The following DGKB variants were observed in gnomAD, a reference collection of about 807,000 sequenced individuals.
The protein encoded by DGKB is 90 kDa diacylglycerol kinase.
Under a neutral mutation model 114.3 loss-of-function variants are expected in DGKB, and 67 were observed. That is an observed-to-expected ratio of 0.59 (90% CI 0.48 to 0.72). The LOEUF is 0.72. Ranked by LOEUF, DGKB falls within the 30% of genes least tolerant of loss-of-function variation. DGKB has a pLI of 0.00. For synonymous variants in DGKB, 398 were observed against 323.1 expected, an observed-to-expected ratio of 1.23 and a Z score of -2.49; for missense variants, 907 against 975.2, an observed-to-expected ratio of 0.93 and a Z score of 0.93.
intron 23 of DGKB, among the ~76,000 whole-genome samples, chr7:14,201,643 G>C (rs931951704): frequency 7.9e-5 from 12 of 151,934 alleles, no homozygotes; most frequent in Admixed American, 7.9e-4. Context: ...AAAGCAAGTA[G>C]GAAAGTAGGA....
At chr7:14,400,138 G>C (rs1334387860) in intron 21 of DGKB, among the ~76,000 whole-genome samples, 1 of 151,790 alleles carries the variant, frequency 6.6e-6, no homozygotes, top group Non-Finnish European at 1.5e-5. Context: ...AATCAAAGAG[G>C]AAAACACCCT....
intron 21 of DGKB, among the ~76,000 whole-genome samples, chr7:14,456,316 G>C (rs899227773): frequency 2.6e-5 from 4 of 152,046 alleles, no homozygotes; most frequent in Non-Finnish European, 4.4e-5. Context: ...AAGAGCTGCT[G>C]AACCTGTAGT....
chr7:14,465,654 A>C (rs1024702567), intron 21 of DGKB, among the ~76,000 whole-genome samples: 1 of 152,154 alleles, frequency 6.6e-6, no homozygotes, highest in Admixed American at 6.5e-5. Context: ...AAATTGGGGC[A>C]TGGAGAGAGG....
At chr7:14,643,967 C>T (rs1363711673) in intron 13 of DGKB, among the ~76,000 whole-genome samples, 1 of 152,188 alleles carries the variant, frequency 6.6e-6, no homozygotes, top group Non-Finnish European at 1.5e-5. Context: ...GGGTCTACTG[C>T]CACCAACACC....
rs372422484 is a variant in DGKB at position 14,149,584 on chromosome 7, C to T, written c.2305-346G>A. On this transcript the variant is annotated intron_variant, in intron 25 of 25. Coordinates refer to ENST00000402815, the MANE Select transcript of DGKB (RefSeq NM_001350709.2). ...AGTATTATTTCTTGACCATTAGTTA[C>T]GTATCATTTATTGAAGTCAGGAAAG... Among the ~76,000 whole-genome samples the T allele has an allele frequency of 5.8e-4, 88 of 152,148 alleles. 2 individuals carry two copies. The highest frequency in any genetic ancestry group is 6.5e-4 in the African/African-American group (27 of 41,534).
chr7:14,645,488 T>G (rs554667543), intron 13 of DGKB, among the ~76,000 whole-genome samples: 4 of 152,014 alleles, frequency 2.6e-5, no homozygotes, highest in African/African-American at 9.7e-5. Flanking sequence ...AAAGAGCCAC[T>G]GGGTGCCCTT....
chr7:14,857,258 T>G (rs7777595), intron 1 of DGKB, among the ~76,000 whole-genome samples: 146 of 138,356 alleles, frequency 1.1e-3, no homozygotes, highest in African/African-American at 3.5e-3. Flanking sequence ...CTGTGTGTGT[T>G]TGTGTGTGTG....
At chr7:14,348,508 T>C (rs538525505) in intron 21 of DGKB, among the ~76,000 whole-genome samples, 2 of 151,780 alleles carry the variant, frequency 1.3e-5, no homozygotes, top group South Asian at 4.2e-4. Flanking sequence ...AAAAAAAATG[T>C]AAAGATGCTC....
At chr7:14,811,772 T>C (rs894420498) in intron 2 of DGKB, among the ~76,000 whole-genome samples, 8 of 151,984 alleles carry the variant, frequency 5.3e-5, no homozygotes, top group African/African-American at 1.9e-4. Context: ...TAAATATATA[T>C]ATGTAACATA....
intron 2 of DGKB, among the ~76,000 whole-genome samples, chr7:14,785,785 C>G (rs1431119418): frequency 6.6e-6 from 1 of 152,180 alleles, no homozygotes; most frequent in South Asian, 2.1e-4. Flanking sequence ...TTCTGAAACA[C>G]CACGTGAAAT....
chr7:14,642,946 G>T (rs1324326195), intron 13 of DGKB, among the ~76,000 whole-genome samples: 1 of 152,104 alleles, frequency 6.6e-6, no homozygotes, highest in Non-Finnish European at 1.5e-5. Flanking sequence ...TTTGGATAAT[G>T]CTCATGTATG....
At chr7:14,789,956 T>C (rs1378020131) in intron 2 of DGKB, among the ~76,000 whole-genome samples, 3 of 152,180 alleles carry the variant, frequency 2.0e-5, no homozygotes, top group African/African-American at 4.8e-5. Context: ...CAGTAGTTGA[T>C]GTCGTTACCA....
intron 2 of DGKB, among the ~76,000 whole-genome samples, chr7:14,781,461 A>G (rs1227770642): frequency 6.6e-6 from 1 of 152,150 alleles, no homozygotes. Context: ...CTCTTCTACT[A>G]ACTATTCTGG....
intron 1 of DGKB, among the ~76,000 whole-genome samples, chr7:14,939,381 C>T (rs1785442610): frequency 6.6e-6 from 1 of 152,094 alleles, no homozygotes; most frequent in Admixed American, 6.6e-5. Flanking sequence ...AATACCCTTT[C>T]TCAGTGAAGT....
intron 20 of DGKB, among the ~76,000 whole-genome samples, chr7:14,541,035 A>G (rs1793347613): frequency 6.6e-6 from 1 of 152,156 alleles, no homozygotes; most frequent in South Asian, 2.1e-4. Flanking sequence ...CCTTCTTGAT[A>G]GACCACAATG....
At chr7:14,885,282 A>G (rs1413678623) in intron 1 of DGKB, among the ~76,000 whole-genome samples, 1 of 152,004 alleles carries the variant, frequency 6.6e-6, no homozygotes, top group East Asian at 1.9e-4. Flanking sequence ...AATTTCCTGC[A>G]CTCAAGGACA....
rs185891387 is a variant in DGKB at position 14,551,977 on chromosome 7, T to C, written c.1770+22235A>G. Among the ~76,000 whole-genome samples, 129 of 152,264 alleles carry C rather than the reference T, an allele frequency of 8.5e-4. 1 individual carries two copies. The highest frequency in any genetic ancestry group is 1.4e-3 in the Non-Finnish European group (96 of 68,004). On this transcript the variant is annotated intron_variant, in intron 20 of 25. Coordinates refer to ENST00000402815, the MANE Select transcript of DGKB (RefSeq NM_001350709.2). ...GTTTATTAAGCCCTAATGTTCTAAT[T>C]ACAGAACCATAAGGTGGTCACTAAC...
At chr7:14,847,964 A>G (rs1228546732) in intron 1 of DGKB, among the ~76,000 whole-genome samples, 1 of 152,230 alleles carries the variant, frequency 6.6e-6, no homozygotes, top group African/African-American at 2.4e-5. Flanking sequence ...TGGAAAAATT[A>G]AAAAGAGCTA....
intron 2 of DGKB, among the ~76,000 whole-genome samples, chr7:14,828,908 T>G (rs943243214): frequency 2.0e-5 from 3 of 152,070 alleles, no homozygotes; most frequent in African/African-American, 7.2e-5. Context: ...GCCCCTGAAG[T>G]TGCCAGAGGA....
Sources: allele counts gnomAD v4.1 joint callset (sites outside exome capture counted in the v4.1 genomes callset), GRCh38; gene constraint gnomAD v4.1.1; transcripts MANE v1.5; gene names NCBI Gene and HGNC (gene_info 2026-07-23, HGNC 2026-07-21).